Variants in STPG2 observed in about 807,000 individuals in gnomAD.
The protein encoded by STPG2 is sperm-tail PG-rich repeat-containing protein 2.
In STPG2, 56 loss-of-function variants were observed where a neutral mutation model predicts 54.2. That is an observed-to-expected ratio of 1.03 (90% CI 0.83 to 1.29). The LOEUF (loss-of-function observed/expected upper bound fraction) is 1.29, where lower values mean the gene tolerates loss of function less well. Ranked by LOEUF, STPG2 falls within the 50% of genes most tolerant of loss-of-function variation. The probability of loss-of-function intolerance (pLI) is 0.00; values close to 1 mark genes in which losing one functional copy is unlikely to be tolerated. For missense variants in STPG2, 596 were observed against 544.9 expected, an observed-to-expected ratio of 1.09 and a Z score of -0.93; for synonymous variants, 200 against 181.8, an observed-to-expected ratio of 1.10 and a Z score of -0.81.
intron 8 of STPG2, among the ~76,000 whole-genome samples, chr4:97,903,930 A>T (rs1345271846): frequency 2.0e-5 from 3 of 152,190 alleles, no homozygotes; most frequent in Non-Finnish European, 2.9e-5. Flanking sequence ...TATATTCCGC[A>T]CCTGGCTCAG....
chr4:97,682,014 T>C (rs986142894), intron 10 of STPG2, among the ~76,000 whole-genome samples: 1 of 151,830 alleles, frequency 6.6e-6, no homozygotes, highest in East Asian at 1.9e-4. Flanking sequence ...TTATTGAAAA[T>C]GTTTAGGATC....
At chr4:97,534,975 A>G (rs1731495985) in intron 4 of STPG2, among the ~76,000 whole-genome samples, 1 of 152,170 alleles carries the variant, frequency 6.6e-6, no homozygotes, top group South Asian at 2.1e-4. Flanking sequence ...GTTATTGAAT[A>G]CTTTTCTATT....
chr4:97,524,542 T>G (rs375339868), intron 4 of STPG2, among the ~76,000 whole-genome samples: 2 of 151,978 alleles, frequency 1.3e-5, no homozygotes, highest in African/African-American at 4.8e-5. Flanking sequence ...GATATCTTGC[T>G]TCTTGTAGTT....
At chr4:97,558,155 T>C (rs1732125057), downstream of STPG2, among the ~76,000 whole-genome samples, 1 of 152,206 alleles carries the variant, frequency 6.6e-6, no homozygotes, top group African/African-American at 2.4e-5. Flanking sequence ...GCATATACAG[T>C]GACATTGTAT....
chr4:97,479,423 A>ATT (rs1730164247), intron 4 of STPG2, among the ~76,000 whole-genome samples: 1 of 151,970 alleles, frequency 6.6e-6, no homozygotes, highest in Non-Finnish European at 1.5e-5. Context: ...TTCTGCATAA[A>ATT]AGATAAGAAG....
intron 5 of STPG2, among the ~76,000 whole-genome samples, chr4:98,011,327 A>G (rs1735742526): frequency 1.3e-5 from 2 of 152,152 alleles, no homozygotes; most frequent in Non-Finnish European, 2.9e-5. Context: ...TCCATGGTGT[A>G]TATGTGCCAC....
intron 8 of STPG2, among the ~76,000 whole-genome samples, chr4:97,936,667 G>C (rs749854600): frequency 2.0e-5 from 3 of 152,136 alleles, no homozygotes; most frequent in African/African-American, 7.2e-5. Flanking sequence ...GAAATTCTGG[G>C]CTGAAAATTC....
intron 10 of STPG2, among the ~76,000 whole-genome samples, chr4:97,639,555 C>T (rs1029607621): frequency 1.0e-4 from 15 of 147,742 alleles, no homozygotes; most frequent in African/African-American, 3.7e-4. Context: ...AGTCTTAAGA[C>T]AAAATTGTAG....
chr4:97,969,656 G>A (rs369045750), intron 7 of STPG2, among the ~76,000 whole-genome samples: 2 of 152,186 alleles, frequency 1.3e-5, no homozygotes, highest in Admixed American at 6.6e-5. Flanking sequence ...TTGATGGCAC[G>A]TATCTCAAAA....
chr4:97,887,536 A>AGATGTG (rs1317853328), intron 8 of STPG2, among the ~76,000 whole-genome samples: 1 of 152,216 alleles, frequency 6.6e-6, no homozygotes. Context: ...AAAGTATTCA[A>AGATGTG]GATGTGGCCT....
intron 8 of STPG2, among the ~76,000 whole-genome samples, chr4:97,862,743 T>C (rs529125088): frequency 6.6e-6 from 1 of 152,122 alleles, no homozygotes; most frequent in Non-Finnish European, 1.5e-5. Context: ...TATAACAAAC[T>C]GTCTCTCCGA....
chr4:97,568,036 C>G (rs1037523053), intron 10 of STPG2, among the ~76,000 whole-genome samples: 2 of 152,080 alleles, frequency 1.3e-5, no homozygotes, highest in African/African-American at 4.8e-5. Flanking sequence ...CAGTGTTTTT[C>G]ATATTAGAAA....
At chr4:97,765,988 C>T (rs1726036654) in intron 9 of STPG2, among the ~76,000 whole-genome samples, 1 of 152,092 alleles carries the variant, frequency 6.6e-6, no homozygotes, top group African/African-American at 2.4e-5. Flanking sequence ...AACTTTCTAA[C>T]TTGCAGAGGT....
chr4:97,945,730 T>G (rs1017728126), intron 7 of STPG2, among the ~76,000 whole-genome samples: 11 of 150,122 alleles, frequency 7.3e-5, no homozygotes, highest in Admixed American at 3.4e-4. Context: ...TTTTTTTGGG[T>G]TTGTTTATTG....
intron 8 of STPG2, among the ~76,000 whole-genome samples, chr4:97,869,386 C>T (rs183325053): frequency 2.0e-5 from 3 of 151,600 alleles, no homozygotes; most frequent in Admixed American, 2.0e-4. Flanking sequence ...TTCTACAGAG[C>T]CCAGGTAGAC....
At chr4:97,818,111 T>C (rs1489203504) in intron 9 of STPG2, among the ~76,000 whole-genome samples, 1 of 151,936 alleles carries the variant, frequency 6.6e-6, no homozygotes, top group Non-Finnish European at 1.5e-5. Flanking sequence ...TTTTTAAAAC[T>C]ATGTGAGCTT....
chr4:97,459,193 A>G (rs1472834913), intron 4 of STPG2, among the ~76,000 whole-genome samples: 1 of 152,096 alleles, frequency 6.6e-6, no homozygotes, highest in Non-Finnish European at 1.5e-5. Flanking sequence ...AGAGACGCCC[A>G]CACAAAGAGG....
At chr4:97,493,889 T>C (rs930201701) in intron 4 of STPG2, among the ~76,000 whole-genome samples, 8 of 151,564 alleles carry the variant, frequency 5.3e-5, no homozygotes, top group Non-Finnish European at 1.2e-4. Flanking sequence ...GAATCCATAA[T>C]GTTTCAGGAA....
At chr4:98,140,324 T>C (rs75524662) in intron 1 of STPG2, among the ~76,000 whole-genome samples, 1 of 152,254 alleles carries the variant, frequency 6.6e-6, no homozygotes, top group East Asian at 1.9e-4. Flanking sequence ...TTAAGGAGTT[T>C]AGATGTTAAC....
Sources: allele counts gnomAD v4.1 joint callset (sites outside exome capture counted in the v4.1 genomes callset), GRCh38; gene constraint gnomAD v4.1.1; transcripts MANE v1.5; gene names NCBI Gene and HGNC (gene_info 2026-07-23, HGNC 2026-07-21).